AGPS: variants seen among roughly 807,000 people sequenced by gnomAD.
AGPS encodes alkyldihydroxyacetonephosphate synthase, peroxisomal.
In AGPS, 26 loss-of-function variants were observed where a neutral mutation model predicts 90.7. The ratio of observed to expected loss-of-function variants is 0.29; its 90% CI spans 0.21 to 0.40. AGPS has a LOEUF of 0.40. Among genes scored for constraint, AGPS ranks in the 10% least tolerant of loss-of-function variants. AGPS has a pLI of 1.00. For synonymous variants in AGPS, 294 were observed against 285.3 expected (o/e 1.03, Z -0.31); for missense variants, 540 against 816.1 (o/e 0.66, Z 4.12).
chr2:177,463,986 G>T (rs1687373221), intron 9 of AGPS, among the ~76,000 whole-genome samples: 1 of 151,986 alleles, frequency 6.6e-6, no homozygotes, highest in South Asian at 2.1e-4. Flanking sequence ...TTGTTGCCCA[G>T]GCTGGAGTGC....
intron 2 of AGPS, among the ~76,000 whole-genome samples, chr2:177,433,013 G>A (rs994954381): frequency 1.3e-5 from 2 of 152,128 alleles, no homozygotes; most frequent in Non-Finnish European, 1.5e-5. Context: ...AAAGATATAC[G>A]TCCATGACCC....
intron 19 of AGPS, among the ~76,000 whole-genome samples, chr2:177,527,800 G>A (rs1001961125): frequency 2.6e-5 from 4 of 152,096 alleles, no homozygotes; most frequent in Non-Finnish European, 5.9e-5. Flanking sequence ...ATCTAGCAAC[G>A]TTTGATGGCA....
intron 11 of AGPS, among the ~76,000 whole-genome samples, chr2:177,482,905 CTA>C (rs1687987525): frequency 6.6e-6 from 1 of 152,070 alleles, no homozygotes; most frequent in Non-Finnish European, 1.5e-5. Context: ...CTACAACTGT[CTA>C]TGAATAATTC....
chr2:177,515,134 A>G (rs1688985521), intron 17 of AGPS, among the ~76,000 whole-genome samples: 1 of 151,482 alleles, frequency 6.6e-6, no homozygotes, highest in Admixed American at 6.6e-5. Context: ...AGTGGGTGTA[A>G]GAATGTCATG....
At chr2:177,506,349 T>C (rs1688711797) in intron 15 of AGPS, among the ~76,000 whole-genome samples, 1 of 151,772 alleles carries the variant, frequency 6.6e-6, no homozygotes, top group Admixed American at 6.6e-5. Context: ...ATTATAAAAA[T>C]TTTTGGAAAT....
At chr2:177,400,854 T>C (rs975068130) in intron 1 of AGPS, among the ~76,000 whole-genome samples, 1 of 152,186 alleles carries the variant, frequency 6.6e-6, no homozygotes, top group African/African-American at 2.4e-5. Context: ...ATCACAGAAG[T>C]TCGCATTTCC....
At chr2:177,476,901 ATGT>A (rs1687794932) in intron 10 of AGPS, among the ~76,000 whole-genome samples, 2 of 152,112 alleles carry the variant, frequency 1.3e-5, no homozygotes, top group South Asian at 4.1e-4. Flanking sequence ...TCATTATAAA[ATGT>A]TCTTCTTTAT....
chr2:177,420,999 G>T (rs4893822), intron 2 of AGPS, among the ~76,000 whole-genome samples: 115,850 of 151,892 alleles, frequency 0.76, 44,402 homozygotes, highest in Admixed American at 0.8. Flanking sequence ...AAAGCATATT[G>T]GTTCAATCAT....
At chr2:177,432,563 TTAAA>T (rs1422215682) in intron 2 of AGPS, among the ~76,000 whole-genome samples, 1 of 152,262 alleles carries the variant, frequency 6.6e-6, no homozygotes, top group Non-Finnish European at 1.5e-5. Flanking sequence ...CTTCTGAGTG[TTAAA>T]TAAATATTGT....
At chr2:177,401,702 G>C (rs1276788621) in intron 1 of AGPS, among the ~76,000 whole-genome samples, 1 of 152,034 alleles carries the variant, frequency 6.6e-6, no homozygotes, top group Non-Finnish European at 1.5e-5. Context: ...ACAGCACCAC[G>C]CCTGGCTAAT....
At chr2:177,453,690 A>ATG (rs1687021150) in intron 8 of AGPS, among the ~76,000 whole-genome samples, 1 of 90,520 alleles carries the variant, frequency 1.1e-5, no homozygotes, top group South Asian at 4.4e-4. Flanking sequence ...ATCAGTAGTA[A>ATG]TTTTTTTTTT....
At chr2:177,502,317 G>A (rs908381778) in intron 14 of AGPS, among the ~76,000 whole-genome samples, 1 of 150,162 alleles carries the variant, frequency 6.7e-6, no homozygotes, top group African/African-American at 2.5e-5. Context: ...CTTTCATTCT[G>A]GCTCCCTTTT....
intron 8 of AGPS, among the ~76,000 whole-genome samples, chr2:177,461,269 A>T (rs1687285318): frequency 6.6e-6 from 1 of 152,254 alleles, no homozygotes; most frequent in African/African-American, 2.4e-5. Context: ...CAAAGCCAAG[A>T]TAATATAGAA....
intron 1 of AGPS, among the ~76,000 whole-genome samples, chr2:177,397,237 G>A (rs1317236384): frequency 1.3e-5 from 2 of 151,886 alleles, no homozygotes; most frequent in African/African-American, 2.4e-5. Context: ...ACGTCTGGCC[G>A]GCTCCAATTA....
intron 1 of AGPS, among the ~76,000 whole-genome samples, chr2:177,406,996 G>A (rs575317354): frequency 6.6e-6 from 1 of 152,322 alleles, no homozygotes; most frequent in African/African-American, 2.4e-5. Context: ...TGTACTCCTT[G>A]TGTGGCCATC....
intron 11 of AGPS, among the ~76,000 whole-genome samples, chr2:177,486,520 A>G (rs970948251): frequency 2.6e-4 from 39 of 151,816 alleles, no homozygotes; most frequent in African/African-American, 8.0e-4. Context: ...AAGATCCATT[A>G]AAGTAGATGG....
intron 1 of AGPS, among the ~76,000 whole-genome samples, chr2:177,419,518 A>G (rs1042447422): frequency 7.2e-5 from 11 of 152,008 alleles, no homozygotes; most frequent in Admixed American, 2.6e-4. Flanking sequence ...GTCCAGACCT[A>G]TCTATTCTTA....
intron 13 of AGPS, among the ~76,000 whole-genome samples, chr2:177,498,770 A>G (rs944831107): frequency 4.0e-5 from 6 of 151,856 alleles, no homozygotes; most frequent in African/African-American, 1.4e-4. Context: ...CTTCTCATAC[A>G]TTGATTTGCT....
intron 8 of AGPS, 145 bp from the exon 9 acceptor site, chr2:177,461,748 C>CTTTTTT: frequency 2.1e-6 from 1 of 467,006 alleles, no homozygotes; most frequent in African/African-American, 2.3e-5. Flanking sequence ...ATAAAAGTAT[C>CTTTTTT]TTTTTTTTTT....
Sources: gnomAD v4.1 joint callset for allele counts (sites outside exome capture counted in the v4.1 genomes callset) on GRCh38, gnomAD v4.1.1 for gene constraint, MANE v1.5 for transcripts, NCBI Gene and HGNC (gene_info 2026-07-23, HGNC 2026-07-21) for gene names.